KIAA1549L: variants seen among roughly 807,000 people sequenced by gnomAD.
KIAA1549L encodes the protein UPF0606 protein KIAA1549L.
In KIAA1549L, 88 loss-of-function variants were observed where a neutral mutation model predicts 160.7. The ratio of observed to expected loss-of-function variants is 0.55; its 90% confidence interval spans 0.46 to 0.65. The LOEUF (loss-of-function observed/expected upper bound fraction) is 0.65. Ranked by LOEUF, KIAA1549L falls within the 30% of genes least tolerant of loss-of-function variation. KIAA1549L has a pLI of 0.00. For missense variants in KIAA1549L, 2,258 were observed against 2,437.5 expected, an observed-to-expected ratio of 0.93 and a Z score of 1.55; for synonymous variants, 950 against 976.7, an observed-to-expected ratio of 0.97 and a Z score of 0.51.
At chr11:33,491,656 C>T (rs553032963) in intron 1 of KIAA1549L, among the ~76,000 whole-genome samples, 232 of 152,282 alleles carry the variant, frequency 1.5e-3, no homozygotes, top group South Asian at 6.9e-3. Context: ...TTTAATTTTT[C>T]TATAGAAGAA....
Position 33,511,490 on chromosome 11 carries a change from T to G in KIAA1549L, c.239-30312T>G, listed in dbSNP as rs144544480. On this transcript the variant is annotated intron_variant, in intron 1 of 20. Transcript: ENST00000658780. Reference sequence around the variant, plus strand: ...TTTCAGAAAGGAAGTGTATTTCCAATGGGAAGATGCTGGGAAAGGCCACTG... The same window carrying G: ...TTTCAGAAAGGAAGTGTATTTCCAAGGGGAAGATGCTGGGAAAGGCCACTG... Among the ~76,000 whole-genome samples the G allele has an allele frequency of 1.0e-3, 154 of 152,234 alleles. 2 individuals carry two copies. Among genetic ancestry groups the G allele is most frequent in the African/African-American group, 3.6e-3 (149 of 41,540 alleles).
In KIAA1549L at chr11:33,542,165, T is replaced by A. The variant is rs1854041687; in HGVS notation, c.602T>A (p.Met201Lys). 1 of 605,724 alleles carries A rather than the reference T, an allele frequency of 1.7e-6. No homozygotes were observed. The highest frequency in any genetic ancestry group is 3.1e-6 in the Non-Finnish European group (1 of 322,486). 37.5% of individuals were successfully genotyped at this position (605,724 alleles called of 1,614,324 possible). Residue 201 changes from methionine (M) to lysine (K), a missense_variant, in exon 2 of 21, where the codon ATG (methionine) becomes AAG (lysine). By Grantham distance (95) the Met-to-Lys change is moderately conservative. Coordinates refer to ENST00000658780, the MANE Select transcript of KIAA1549L (RefSeq NM_012194.3). ...GTGTCAGGTTTGCCTCTCACCAGCA[T>A]GCTCCCCTCGTTGTCCACAGTCCCA... is the stretch of plus-strand genomic sequence containing the variant. ...ADVSGLPLTSMLPSLSTVPSG... is the reference protein window; with the variant it reads ...ADVSGLPLTSKLPSLSTVPSG...
At chr11:33,513,333 A>T (rs892845019) in intron 1 of KIAA1549L, among the ~76,000 whole-genome samples, 5 of 152,162 alleles carry the variant, frequency 3.3e-5, no homozygotes, top group African/African-American at 1.2e-4. Flanking sequence ...ATCATACATC[A>T]GGTTGAGATG....
rs1205915281 is a variant in KIAA1549L at position 33,670,374 on chromosome 11, A to G, written c.*2220A>G. ...GACTGAGTCTACAGTTTGCAGAGCT[A>G]TGGCTCCAGAGTGCTAAGAGGGTGG... On this transcript the variant is annotated 3_prime_UTR_variant, in exon 21 of 21. Transcript: ENST00000658780. 6.6e-6 allele frequency: 1 copy of G among 152,218 alleles called. No individual in the cohort carries two copies. The highest frequency in any genetic ancestry group is 6.5e-5 in the Admixed American group (1 of 15,284). The allele number at this position is 152,218 out of a possible 1,614,324, so 9.4% of individuals were successfully genotyped here. A position where few individuals can be genotyped will look rare whatever the true frequency, so the allele number is the denominator to read the frequency against.
chr11:33,432,636 A>T (rs1314071624), intron 1 of KIAA1549L, among the ~76,000 whole-genome samples: 1 of 152,214 alleles, frequency 6.6e-6, no homozygotes, highest in African/African-American at 2.4e-5. Context: ...GACAATTCTA[A>T]GCAAAAAGAA....
intron 9 of KIAA1549L, among the ~76,000 whole-genome samples, chr11:33,570,894 TGGAGCGAAAAG>T (rs2133239361): frequency 6.6e-6 from 1 of 152,290 alleles, no homozygotes; most frequent in African/African-American, 2.4e-5. Flanking sequence ...TTGATGAGTG[TGGAGCGAAAAG>T]GGCACTTTCA....
Position 33,542,278 on chromosome 11 carries a change from A to G in KIAA1549L, c.715A>G (p.Ile239Val), listed in dbSNP as rs1407019686. 1.6e-6 allele frequency: 1 copy of G among 613,980 alleles called. No homozygotes were observed. The highest frequency in any genetic ancestry group is 1.8e-5 in the African/African-American group (1 of 55,106). The allele number at this position is 613,980 out of a possible 1,614,324, so 38.0% of individuals were successfully genotyped here. Residue 239 changes from isoleucine to valine, a missense_variant, in exon 2 of 21, where the codon ATT (isoleucine) becomes GTT (valine). Physicochemically the swap from Ile to Val is conservative, Grantham distance 29. This residue lies in a region of KIAA1549L where 540 missense variants were observed against 465.7 expected (regional missense o/e 1.16). Transcript: ENST00000658780. ...TTCAAAGCATCCCCCAAGGTCAGAC[A>G]TTCCCCCACTCCTCCCTCTACCTCC... is the stretch of plus-strand genomic sequence containing the variant. ...SISKHPPRSD[I>V]PPLLPLPPSS... is the part of the protein sequence containing the mutation.
intron 11 of KIAA1549L, 44 bp from the exon 12 acceptor site, chr11:33,591,193 C>A: frequency 1.4e-6 from 2 of 1,466,242 alleles, no homozygotes; most frequent in Non-Finnish European, 1.9e-6. Flanking sequence ...GTTAGAGTCA[C>A]ACTTCGCTAG....
In KIAA1549L at chr11:33,605,505, T is replaced by TA. The variant is rs200086512; in HGVS notation, c.4880-1127dup. ...TATTTGCAAATCAGCCCACAGAACT[T>TA]AAAAAAAAATCCAATTATAACCCAT... On this transcript the variant is annotated intron_variant, in intron 13 of 20. Transcript: ENST00000658780. 5.9e-4 allele frequency among the ~76,000 whole-genome samples: 89 copies of TA among 151,766 alleles called. 1 individual carries two copies. The East Asian group carries it at 0.012, about 20-fold the overall frequency.
rs1201413067 is a variant in KIAA1549L at position 33,393,213 on chromosome 11, C to G, written c.238+16324C>G. On this transcript the variant is annotated intron_variant, in intron 1 of 20. Transcript: ENST00000658780. ...TTGCGCCCTTTACATTTTATTCTTT[C>G]TGCCTGGGAAGCCCTTCCCAGCCTT... Among the ~76,000 whole-genome samples the G allele has an allele frequency of 3.3e-5, 5 of 152,310 alleles. No homozygotes were observed. The East Asian group carries it at 7.7e-4, about 24-fold the overall frequency.
At chr11:33,477,237 G>A (rs542034765) in intron 1 of KIAA1549L, among the ~76,000 whole-genome samples, 1 of 152,292 alleles carries the variant, frequency 6.6e-6, no homozygotes, top group South Asian at 2.1e-4. Flanking sequence ...GCCCGAGGAG[G>A]AGGAGGTGTT....
chr11:33,584,356 C>T (rs1021403028), intron 11 of KIAA1549L, among the ~76,000 whole-genome samples: 1 of 152,198 alleles, frequency 6.6e-6, no homozygotes, highest in African/African-American at 2.4e-5. Flanking sequence ...GATGGAGAAG[C>T]TGCAGGGCTT....
chr11:33,600,694 C>A (rs1850334876), intron 13 of KIAA1549L, among the ~76,000 whole-genome samples: 1 of 152,166 alleles, frequency 6.6e-6, no homozygotes. Flanking sequence ...GTATATCTTT[C>A]TCTGACCTTT....
chr11:33,415,332 T>C (rs1850867195), intron 1 of KIAA1549L, among the ~76,000 whole-genome samples: 5 of 152,150 alleles, frequency 3.3e-5, no homozygotes, highest in Admixed American at 2.6e-4. Flanking sequence ...ATGTTATGGA[T>C]TTTCAGAGTC....
At chr11:33,554,923 A>T (rs552890626) in intron 6 of KIAA1549L, among the ~76,000 whole-genome samples, 1 of 152,160 alleles carries the variant, frequency 6.6e-6, no homozygotes, top group South Asian at 2.1e-4. Context: ...TAAGTAAGAG[A>T]TGAGGTTAGA....
intron 13 of KIAA1549L, among the ~76,000 whole-genome samples, chr11:33,601,718 G>T (rs558876653): frequency 1.3e-5 from 2 of 152,248 alleles, no homozygotes; most frequent in East Asian, 3.9e-4. Context: ...TTCTAAAACT[G>T]TTCTTGTTTT....
At chr11:33,408,949 C>CAA (rs763850676) in intron 1 of KIAA1549L, among the ~76,000 whole-genome samples, 8,960 of 66,372 alleles carry the variant, frequency 0.13, 917 homozygotes, top group African/African-American at 0.26. Flanking sequence ...GACTCCATCT[C>CAA]AAAAAAAAAA....
At chr11:33,564,821 G>C (rs1393395757) in intron 8 of KIAA1549L, among the ~76,000 whole-genome samples, 1 of 152,210 alleles carries the variant, frequency 6.6e-6, no homozygotes, top group Admixed American at 6.5e-5. Flanking sequence ...TGAGCATTAA[G>C]ATTCTTTTAG....
At chr11:33,564,250 T>C (rs190785039) in intron 8 of KIAA1549L, among the ~76,000 whole-genome samples, 60 of 152,316 alleles carry the variant, frequency 3.9e-4, no homozygotes, top group African/African-American at 1.4e-3. Context: ...GGGTAGAGGA[T>C]AGGGACCTGT....
Sources: allele counts gnomAD v4.1 joint callset (sites outside exome capture counted in the v4.1 genomes callset), GRCh38; gene constraint gnomAD v4.1.1; regional missense constraint gnomAD v4.1.1; transcripts MANE v1.5; gene names NCBI Gene and HGNC (gene_info 2026-07-23, HGNC 2026-07-21).